NTN1: variants seen among roughly 807,000 people sequenced by gnomAD.
NTN1 encodes netrin 1, also known as netrin-1.
NTN1 carries 11 observed loss-of-function variants against 54.2 expected under a neutral mutation model. That is an observed-to-expected ratio of 0.20 (90% CI 0.13 to 0.34). The LOEUF is 0.34. Among genes scored for constraint, NTN1 ranks in the 10% least tolerant of loss-of-function variants. NTN1 has a pLI of 1.00. For missense variants in NTN1, 740 were observed against 893.1 expected (o/e 0.83, Z 2.18); for synonymous variants, 371 against 382.0 (o/e 0.97, Z 0.33).
At chr17:9,120,284 C>CA (rs35302549) in intron 2 of NTN1, among the ~76,000 whole-genome samples, 47,306 of 98,136 alleles carry the variant, frequency 0.48, 9,800 homozygotes, top group Middle Eastern at 0.53. Context: ...GACTCCGTCT[C>CA]AAAAAAAAAA....
chr17:9,190,000 C>A (rs987379306), intron 5 of NTN1, among the ~76,000 whole-genome samples: 1 of 152,134 alleles, frequency 6.6e-6, no homozygotes, highest in Non-Finnish European at 1.5e-5. Context: ...AACCCAAAAC[C>A]CCCACTGGCA....
At chr17:9,106,765 T>G (rs2092168705) in intron 2 of NTN1, among the ~76,000 whole-genome samples, 1 of 152,156 alleles carries the variant, frequency 6.6e-6, no homozygotes, top group Non-Finnish European at 1.5e-5. Flanking sequence ...TCCACCCGCC[T>G]TGGCCTCCCA....
chr17:9,014,144 C>T, the NTN1 span, among the ~76,000 whole-genome samples: 19 of 152,264 alleles, frequency 1.2e-4, no homozygotes, highest in Admixed American at 3.9e-4. Context: ...TCTCCAGGAA[C>T]GCTTCCCACT....
At chr17:9,215,427 A>G (rs567128829) in intron 5 of NTN1, among the ~76,000 whole-genome samples, 7 of 152,352 alleles carry the variant, frequency 4.6e-5, no homozygotes, top group African/African-American at 1.7e-4. Context: ...TTTCATCACC[A>G]GTAAGCACAG....
intron 5 of NTN1, among the ~76,000 whole-genome samples, chr17:9,198,464 C>G (rs1401434040): frequency 1.3e-5 from 2 of 152,178 alleles, no homozygotes; most frequent in African/African-American, 4.8e-5. Context: ...CAGGTCCAGT[C>G]AAGGGGCTCT....
intron 2 of NTN1, among the ~76,000 whole-genome samples, chr17:9,140,035 AT>A (rs66787576): frequency 0.035 from 5,156 of 147,842 alleles, 298 homozygotes; most frequent in African/African-American, 0.12. Flanking sequence ...GTTTGCTTCT[AT>A]TTTTTTTTTA....
At chr17:9,184,591 C>A (rs781294094) in intron 5 of NTN1, among the ~76,000 whole-genome samples, 1 of 152,190 alleles carries the variant, frequency 6.6e-6, no homozygotes, top group African/African-American at 2.4e-5. Flanking sequence ...CTGAGGCTTC[C>A]GAGCAGGGGC....
rs930469142 is a variant in NTN1, at chr17:9,221,598, C to G, written c.1486+356C>G. 6.6e-6 allele frequency among the ~76,000 whole-genome samples: 1 copy of G among 152,184 alleles called. No homozygotes were observed. Among genetic ancestry groups the G allele is most frequent in the Non-Finnish European group, 1.5e-5 (1 of 68,024 alleles). On this transcript the variant is annotated intron_variant, in intron 6 of 6. Coordinates refer to ENST00000173229, the MANE Select transcript of NTN1 (RefSeq NM_004822.3). This position sits in a 1 kb window ranked among gnomAD's most constrained non-coding sequence, Gnocchi z 4.5. ...TGCATCATACTGCGGGGATTTGACC[C>G]GAGTCCACGTGGCTCAAAGGGAAGC... is the stretch of plus-strand genomic sequence containing the variant.
intron 5 of NTN1, among the ~76,000 whole-genome samples, chr17:9,186,678 GCTCCA>G: frequency 6.6e-6 from 1 of 152,232 alleles, no homozygotes; most frequent in Non-Finnish European, 1.5e-5. Context: ...TCTCCGAGAA[GCTCCA>G]CACTCAGGTG....
the NTN1 span, among the ~76,000 whole-genome samples, chr17:9,010,120 C>T: frequency 1.3e-5 from 2 of 152,184 alleles, no homozygotes; most frequent in Non-Finnish European, 2.9e-5. Flanking sequence ...CTCAGTGCAT[C>T]CATGTTCAGC....
intron 2 of NTN1, among the ~76,000 whole-genome samples, chr17:9,099,794 C>T (rs1347146136): frequency 5.3e-5 from 8 of 151,940 alleles, no homozygotes; most frequent in Admixed American, 2.0e-4. Flanking sequence ...AAATCTTTAC[C>T]TATGTAATAG....
At chr17:9,185,770 C>T (rs2092431442) in intron 5 of NTN1, among the ~76,000 whole-genome samples, 1 of 152,200 alleles carries the variant, frequency 6.6e-6, no homozygotes, top group Non-Finnish European at 1.5e-5. Context: ...CCCTTCCCCA[C>T]CTATCAACTC....
chr17:9,053,278 G>A (rs1255989531), intron 2 of NTN1, among the ~76,000 whole-genome samples: 4 of 152,290 alleles, frequency 2.6e-5, no homozygotes, highest in Admixed American at 2.6e-4. Flanking sequence ...CTTCTCCTAA[G>A]CCTTTCCCCT....
intron 5 of NTN1, among the ~76,000 whole-genome samples, chr17:9,185,802 A>G (rs1023519361): frequency 3.9e-5 from 6 of 152,026 alleles, no homozygotes; most frequent in Admixed American, 1.3e-4. Context: ...TTGATTTGCA[A>G]ATTGTTTGTT....
At chr17:9,065,799 T>G (rs913423841) in intron 2 of NTN1, among the ~76,000 whole-genome samples, 1 of 152,198 alleles carries the variant, frequency 6.6e-6, no homozygotes, top group Admixed American at 6.5e-5. Flanking sequence ...AGAAACTTAA[T>G]CACTTTACCA....
At chr17:9,198,630 C>T (rs951468549) in intron 5 of NTN1, among the ~76,000 whole-genome samples, 3 of 152,188 alleles carry the variant, frequency 2.0e-5, no homozygotes, top group African/African-American at 7.2e-5. Flanking sequence ...TCTGAGGTCC[C>T]ATGTCCTCCC....
intron 2 of NTN1, among the ~76,000 whole-genome samples, chr17:9,148,028 A>T (rs118076396): frequency 6.6e-6 from 1 of 152,154 alleles, no homozygotes; most frequent in African/African-American, 2.4e-5. Context: ...TTGGTTCCAC[A>T]TGGGGATCTT....
intron 5 of NTN1, among the ~76,000 whole-genome samples, chr17:9,217,854 CAAAAAAAAA>C (rs11354107): frequency 7.9e-4 from 76 of 95,718 alleles, no homozygotes; most frequent in Non-Finnish European, 8.0e-4. Context: ...GGAAAGACAC[CAAAAAAAAA>C]AAAAAAAAAA....
Position 9,240,355 on chromosome 17 carries a change from G to A in NTN1, c.*387G>A, listed in dbSNP as rs1906165636. The A allele has an allele frequency of 6.6e-6, 1 of 152,324 alleles. No homozygotes were observed. The highest frequency in any genetic ancestry group is 2.1e-4 in the South Asian group (1 of 4,828). 9.4% of individuals were successfully genotyped at this position (152,324 alleles called of 1,614,324 possible). On this transcript the variant is annotated 3_prime_UTR_variant, in exon 7 of 7. Coordinates refer to ENST00000173229, the MANE Select transcript of NTN1 (RefSeq NM_004822.3). ...GCGGGCGCAGAATCGCACAACTGGG[G>A]CCCCAGGCGCGGGGCGTGGATGGCG...
Sources: allele counts gnomAD v4.1 joint callset (sites outside exome capture counted in the v4.1 genomes callset), GRCh38; gene constraint gnomAD v4.1.1; non-coding constraint Gnocchi (gnomAD v3.1); transcripts MANE v1.5; gene names NCBI Gene and HGNC (gene_info 2026-07-23, HGNC 2026-07-21).